MED13: variants seen among roughly 807,000 people sequenced by gnomAD.
The protein encoded by MED13 is mediator of RNA polymerase II transcription subunit 13.
A neutral mutation model predicts 225.2 loss-of-function variants in MED13; 23 were observed. The ratio of observed to expected loss-of-function variants is 0.10; its 90% CI spans 0.07 to 0.14. The LOEUF (loss-of-function observed/expected upper bound fraction) is 0.14, where lower values mean the gene tolerates loss of function less well. Ranked by LOEUF, MED13 falls within the 10% of genes least tolerant of loss-of-function variation. The pLI, the probability that MED13 is intolerant of heterozygous loss-of-function variation, is 1.00. For synonymous variants in MED13, 942 were observed against 889.2 expected, an observed-to-expected ratio of 1.06 and a Z score of -1.06; for missense variants, 2,197 against 2,594.5, an observed-to-expected ratio of 0.85 and a Z score of 3.33.
chr17:62,023,260 A>G (rs866197988), intron 8 of MED13, among the ~76,000 whole-genome samples: 23 of 152,314 alleles, frequency 1.5e-4, no homozygotes, highest in Middle Eastern at 6.8e-3. Context: ...CAATGTTATC[A>G]GGCAGGGTCC....
At chr17:61,995,566 C>G (rs1391411947) in intron 9 of MED13, among the ~76,000 whole-genome samples, 3 of 152,114 alleles carry the variant, frequency 2.0e-5, no homozygotes, top group Non-Finnish European at 4.4e-5. Flanking sequence ...GGGCCAAAAT[C>G]CAAGTTTCCT....
At chr17:61,974,499 G>A (rs1192375310) in intron 16 of MED13, among the ~76,000 whole-genome samples, 1 of 151,900 alleles carries the variant, frequency 6.6e-6, no homozygotes, top group African/African-American at 2.4e-5. Flanking sequence ...CTGACCCCCA[G>A]GACACAAGTT....
At position 61,998,138 on chromosome 17, in the gene MED13, T is replaced by TA. The variant is rs927550798; in HGVS notation, c.1968-2774dup. On this transcript the variant is annotated intron_variant, in intron 9 of 29. Transcript: ENST00000397786. ...ATTGTTACTTTTAAGAGATGCCAGA[T>TA]AAAAAAACTCTAATTACCATACTGT... Among the ~76,000 whole-genome samples, 28 of 152,238 alleles carry TA rather than the reference T, an allele frequency of 1.8e-4. 1 individual carries two copies. Among genetic ancestry groups the TA allele is most frequent in the Admixed American group, 1.6e-3 (25 of 15,278 alleles).
Position 61,950,818 on chromosome 17 carries a change from G to A in MED13, c.6291+7C>T, listed in dbSNP as rs765673375. 14 of 1,606,304 alleles carry A rather than the reference G, an allele frequency of 8.7e-6. No individual in the cohort carries two copies. The highest frequency in any genetic ancestry group is 1.7e-5 in the Admixed American group (1 of 58,880). The stretch of plus-strand genomic sequence containing the variant: ...TTATTTAGGAACTGGGACAGAAATG[G>A]CAATACCTTAAGAAAAAGGGGACAC... On this transcript the variant is annotated splice_region_variant and intron_variant, in intron 28 of 29. Transcript: ENST00000397786.
chr17:62,052,695 A>ATAT lies in MED13; in HGVS notation c.311_312insATA (p.Asp104delinsGluTyr). ...AGGAAAGTCCATTCTCCCACACTCC[A>ATAT]TCTTCTTCTTCTAAAAGAGAAATGA... On this transcript the variant is annotated protein_altering_variant, in exon 3 of 30. Transcript: ENST00000397786. 1 of 1,563,114 alleles carries ATAT rather than the reference A, an allele frequency of 6.4e-7. No homozygotes were observed. Among genetic ancestry groups the ATAT allele is most frequent in the Non-Finnish European group, 8.7e-7 (1 of 1,153,052 alleles).
chr17:62,060,065 G>C (rs1016299249), intron 2 of MED13, among the ~76,000 whole-genome samples: 3 of 152,138 alleles, frequency 2.0e-5, no homozygotes, highest in Admixed American at 1.3e-4. Context: ...GCCGAGGCGG[G>C]TGGACTGTCT....
At chr17:62,044,806 C>A (rs1012050192) in intron 3 of MED13, among the ~76,000 whole-genome samples, 6 of 152,168 alleles carry the variant, frequency 3.9e-5, no homozygotes, top group African/African-American at 1.4e-4. Context: ...GAATTACAGG[C>A]ACATGCCACC....
intron 3 of MED13, among the ~76,000 whole-genome samples, chr17:62,039,893 C>A (rs138766630): frequency 6.6e-6 from 1 of 151,878 alleles, no homozygotes; most frequent in Non-Finnish European, 1.5e-5. Context: ...GCCACTGTGC[C>A]GGCCTGAAAT....
rs1225099222 is a variant in MED13, at chr17:62,010,690, ATCT to A, written c.1824_1826del (p.Glu608del). 1.9e-6 allele frequency: 3 copies of A among 1,557,316 alleles called. No homozygotes were observed. Among genetic ancestry groups the A allele is most frequent in the South Asian group, 1.2e-5 (1 of 83,076 alleles). On this transcript the variant is annotated inframe_deletion, in exon 9 of 30. Transcript: ENST00000397786. Reference sequence around the variant, plus strand: ...AATACTTCCAGGCTATATTGGCTTCATCTTCTTCCAAGTTTACTGCTGTACCAA... The same window carrying A: ...AATACTTCCAGGCTATATTGGCTTCATCTTCCAAGTTTACTGCTGTACCAA...
intron 17 of MED13, 41 bp downstream of exon 17, chr17:61,972,686 G>A (rs772349116): frequency 1.3e-6 from 2 of 1,498,444 alleles, no homozygotes; most frequent in East Asian, 4.6e-5. Flanking sequence ...TCTGAGGACT[G>A]ATATAAAATT....
At chr17:62,001,405 G>GACAT (rs1461788143) in intron 9 of MED13, among the ~76,000 whole-genome samples, 2 of 152,074 alleles carry the variant, frequency 1.3e-5, no homozygotes, top group Non-Finnish European at 2.9e-5. Context: ...CTTTCACACA[G>GACAT]ACATATCTTT....
chr17:61,992,160 T>C (rs535260273), intron 11 of MED13, among the ~76,000 whole-genome samples: 4 of 152,342 alleles, frequency 2.6e-5, no homozygotes, highest in East Asian at 1.9e-4. Flanking sequence ...AGTATAACCA[T>C]AGCCTTGGCA....
chr17:61,974,443 T>G (rs2080136129), intron 16 of MED13, among the ~76,000 whole-genome samples: 1 of 151,986 alleles, frequency 6.6e-6, no homozygotes, highest in South Asian at 2.1e-4. Flanking sequence ...AAAAAATACC[T>G]ATCAAGTACT....
chr17:61,960,717 T>G, intron 23 of MED13, 150 bp downstream of exon 23: 1 of 501,418 alleles, frequency 2.0e-6, no homozygotes, highest in Non-Finnish European at 3.4e-6. Flanking sequence ...AATATAAACA[T>G]TCACTAAAGA....
At chr17:62,058,476 G>A (rs1378248525) in intron 2 of MED13, among the ~76,000 whole-genome samples, 4 of 130,978 alleles carry the variant, frequency 3.1e-5, no homozygotes, top group Admixed American at 9.4e-5. Flanking sequence ...AGCCAAGATC[G>A]CCCCACTACA....
At chr17:62,052,769 A>G in intron 2 of MED13, 64 bp from the exon 3 acceptor site, 2 of 1,274,296 alleles carry the variant, frequency 1.6e-6, no homozygotes, top group Non-Finnish European at 2.1e-6. Context: ...GCCAAGTAAA[A>G]AAGGTTACAG....
intron 8 of MED13, among the ~76,000 whole-genome samples, chr17:62,021,736 A>G (rs1347406470): frequency 2.0e-5 from 3 of 152,212 alleles, no homozygotes; most frequent in Non-Finnish European, 4.4e-5. Context: ...CTATATGCAA[A>G]AAGTGTGAGT....
At chr17:61,985,342 C>T (rs935406036) in intron 12 of MED13, among the ~76,000 whole-genome samples, 2 of 152,046 alleles carry the variant, frequency 1.3e-5, no homozygotes, top group Admixed American at 6.6e-5. Flanking sequence ...CCAATACTTT[C>T]AAAATACACA....
chr17:62,010,137 G>A (rs996922090), intron 9 of MED13, among the ~76,000 whole-genome samples: 7 of 151,496 alleles, frequency 4.6e-5, no homozygotes, highest in Non-Finnish European at 8.8e-5. Flanking sequence ...CAGGAGGGTC[G>A]CTTGAACCCA....
Sources: allele counts gnomAD v4.1 joint callset (sites outside exome capture counted in the v4.1 genomes callset), GRCh38; gene constraint gnomAD v4.1.1; transcripts MANE v1.5; gene names NCBI Gene and HGNC (gene_info 2026-07-23, HGNC 2026-07-21).